SPAG16: variants seen among roughly 807,000 people sequenced by gnomAD.
SPAG16 encodes the protein sperm-associated antigen 16 protein.
Under a neutral mutation model 80.4 loss-of-function variants are expected in SPAG16, and 86 were observed. The ratio of observed to expected loss-of-function variants is 1.07; its 90% CI spans 0.90 to 1.28. The LOEUF (loss-of-function observed/expected upper bound fraction) is 1.28, where lower values mean the gene tolerates loss of function less well. Ranked by LOEUF, SPAG16 falls within the 50% of genes most tolerant of loss-of-function variation. The probability of loss-of-function intolerance (pLI) is 0.00; values close to 1 mark genes in which losing one functional copy is unlikely to be tolerated. For missense variants in SPAG16, 870 were observed against 765.3 expected, an observed-to-expected ratio of 1.14 and a Z score of -1.61; for synonymous variants, 294 against 265.9, an observed-to-expected ratio of 1.11 and a Z score of -1.03.
intron 15 of SPAG16, among the ~76,000 whole-genome samples, chr2:214,310,256 A>G (rs1476092702): frequency 6.7e-6 from 1 of 149,118 alleles, no homozygotes; most frequent in African/African-American, 2.5e-5. Context: ...CATATTTTGT[A>G]TGATCATTTG....
intron 15 of SPAG16, among the ~76,000 whole-genome samples, chr2:214,375,779 G>GT (rs956974377): frequency 2.6e-4 from 39 of 151,974 alleles, no homozygotes; most frequent in African/African-American, 8.5e-4. Flanking sequence ...TTTTGTGTTT[G>GT]TTTTTTTCTT....
intron 10 of SPAG16, among the ~76,000 whole-genome samples, chr2:213,522,482 G>T (rs1056035678): frequency 6.6e-6 from 1 of 152,210 alleles, no homozygotes; most frequent in Non-Finnish European, 1.5e-5. Context: ...AGGCAATCCA[G>T]TGGGGTTATG....
intron 15 of SPAG16, among the ~76,000 whole-genome samples, chr2:214,152,551 T>G (rs2056023168): frequency 6.6e-6 from 1 of 151,966 alleles, no homozygotes; most frequent in Non-Finnish European, 1.5e-5. Context: ...CCCCACAAGG[T>G]CGGTGGGTCT....
At position 213,862,550 on chromosome 2, in the gene SPAG16, T is replaced by C; in HGVS notation, c.1136T>C (p.Leu379Ser). The C allele has an allele frequency of 6.2e-7, 1 of 1,614,184 alleles. No homozygotes were observed. Among genetic ancestry groups the C allele is most frequent in the Non-Finnish European group, 8.5e-7 (1 of 1,180,016 alleles). Residue 379 changes from leucine to serine, a missense_variant, in exon 11 of 16, where the codon TTG becomes TCG. Leu to Ser is a moderately radical substitution (Grantham distance 145, BLOSUM62 -2). Coordinates refer to ENST00000331683, the MANE Select transcript of SPAG16 (RefSeq NM_024532.5). Reference protein sequence around the residue: ...SCGEDRLWKVLGLPKCNVLLT... With the variant: ...SCGEDRLWKVSGLPKCNVLLT... The stretch of plus-strand genomic sequence containing the variant: ...GGCGAGGACCGACTCTGGAAGGTGT[T>C]GGGCCTTCCAAAATGCAATGTGCTT...
At chr2:213,714,451 A>G (rs530969591) in intron 10 of SPAG16, among the ~76,000 whole-genome samples, 7 of 152,294 alleles carry the variant, frequency 4.6e-5, no homozygotes, top group African/African-American at 1.7e-4. Context: ...GACAGAAATA[A>G]CAGCTAACAG....
rs138731583 is a variant in SPAG16, at chr2:214,159,438, A to G, written c.1720+10172A>G. On this transcript the variant is annotated intron_variant, in intron 15 of 15. Transcript: ENST00000331683. ...ACTGTGTATACAAAATTGAATAGAT[A>G]ATCATCTTTAGTCTGCCAAGCTGAT... Among the ~76,000 whole-genome samples the G allele has an allele frequency of 4.5e-3, 678 of 152,078 alleles. 3 individuals are homozygous for G. The highest frequency in any genetic ancestry group is 0.024 in the Middle Eastern group (7 of 294).
At chr2:213,436,156 G>A (rs1191381314) in intron 9 of SPAG16, among the ~76,000 whole-genome samples, 1 of 152,180 alleles carries the variant, frequency 6.6e-6, no homozygotes, top group Admixed American at 6.5e-5. Context: ...GGTGTTTAAT[G>A]TTAAATCATT....
chr2:214,205,056 C>T (rs1359207695), intron 15 of SPAG16, among the ~76,000 whole-genome samples: 2 of 152,070 alleles, frequency 1.3e-5, no homozygotes, highest in Non-Finnish European at 2.9e-5. Context: ...TGGTGAAACC[C>T]CGTCTCTACT....
At chr2:214,015,600 G>A (rs1223206206) in intron 13 of SPAG16, among the ~76,000 whole-genome samples, 10 of 144,476 alleles carry the variant, frequency 6.9e-5, no homozygotes, top group South Asian at 2.2e-4. Flanking sequence ...CTCCATCTCA[G>A]AAAAAAAAAA....
At chr2:213,940,195 A>G (rs1305980516) in intron 12 of SPAG16, among the ~76,000 whole-genome samples, 1 of 152,238 alleles carries the variant, frequency 6.6e-6, no homozygotes, top group African/African-American at 2.4e-5. Context: ...AGCTGTGCTA[A>G]AATATCTGAC....
chr2:214,376,049 A>G (rs1265184509), intron 15 of SPAG16, among the ~76,000 whole-genome samples: 3 of 152,120 alleles, frequency 2.0e-5, no homozygotes, highest in African/African-American at 4.8e-5. Context: ...AAGCAGTAGC[A>G]TATGGGTGAT....
intron 15 of SPAG16, among the ~76,000 whole-genome samples, chr2:214,295,096 C>T (rs1175875537): frequency 1.3e-5 from 2 of 152,126 alleles, no homozygotes; most frequent in Non-Finnish European, 1.5e-5. Context: ...ATAAATAGTA[C>T]CCAGCTCTAT....
chr2:214,339,949 T>A (rs372243133), intron 15 of SPAG16, among the ~76,000 whole-genome samples: 2 of 152,174 alleles, frequency 1.3e-5, no homozygotes, highest in Non-Finnish European at 2.9e-5. Flanking sequence ...TGCAGCCACG[T>A]AAGCCCCTAA....
intron 10 of SPAG16, among the ~76,000 whole-genome samples, chr2:213,655,780 T>G (rs1279453917): frequency 6.6e-6 from 1 of 152,212 alleles, no homozygotes; most frequent in Non-Finnish European, 1.5e-5. Context: ...TGATTAAAAT[T>G]TTAAATGTAC....
intron 13 of SPAG16, among the ~76,000 whole-genome samples, chr2:214,080,849 C>T (rs1477326421): frequency 6.6e-6 from 1 of 151,750 alleles, no homozygotes; most frequent in Non-Finnish European, 1.5e-5. Flanking sequence ...ACATGGTTCT[C>T]AAATCAGACT....
At chr2:213,715,234 A>G (rs931364000) in intron 10 of SPAG16, among the ~76,000 whole-genome samples, 10 of 143,930 alleles carry the variant, frequency 6.9e-5, no homozygotes, top group African/African-American at 1.7e-4. Context: ...CTATCTATCT[A>G]TCTATCTATC....
chr2:213,485,829 G>A (rs2073948172), intron 9 of SPAG16, among the ~76,000 whole-genome samples: 1 of 152,044 alleles, frequency 6.6e-6, no homozygotes, highest in Admixed American at 6.5e-5. Context: ...GGGTCTGGGG[G>A]AAACCTGGGT....
At chr2:213,367,619 C>T (rs1412817951) in intron 8 of SPAG16, among the ~76,000 whole-genome samples, 1 of 152,024 alleles carries the variant, frequency 6.6e-6, no homozygotes. Context: ...CCTTCACCCA[C>T]TTGTTGATGG....
chr2:213,596,973 T>C (rs761253343), intron 10 of SPAG16, among the ~76,000 whole-genome samples: 74 of 152,266 alleles, frequency 4.9e-4, no homozygotes, highest in Non-Finnish European at 8.4e-4. Context: ...CAAAAGCATT[T>C]TGCGGAGACT....
Sources: gnomAD v4.1 joint callset for allele counts (sites outside exome capture counted in the v4.1 genomes callset) on GRCh38, gnomAD v4.1.1 for gene constraint, MANE v1.5 for transcripts, NCBI Gene and HGNC (gene_info 2026-07-23, HGNC 2026-07-21) for gene names.